CDH4: variants seen among roughly 807,000 people sequenced by gnomAD.
The protein encoded by CDH4 is cadherin 4, also known as cadherin-4.
CDH4 carries 33 observed loss-of-function variants against 86.0 expected under a neutral mutation model. The ratio of observed to expected loss-of-function variants is 0.38; its 90% CI spans 0.29 to 0.51. CDH4 has a LOEUF of 0.51. Ranked by LOEUF, CDH4 falls within the 20% of genes least tolerant of loss-of-function variation. The pLI, the probability that CDH4 is intolerant of heterozygous loss-of-function variation, is 0.86. For missense variants in CDH4, 1,114 were observed against 1,307.4 expected, an observed-to-expected ratio of 0.85 and a Z score of 2.28; for synonymous variants, 555 against 549.4, an observed-to-expected ratio of 1.01 and a Z score of -0.14.
At position 61,693,477 on chromosome 20, in the gene CDH4, C is replaced by T. The variant is rs368566705; in HGVS notation, c.170-50086C>T. ...CAGCGAGCAGATGACCACGTGTGGG[C>T]TTGAGTCCCCAAGGCCGAAGGCACT... is the stretch of plus-strand genomic sequence containing the variant. On this transcript the variant is annotated intron_variant, in intron 2 of 15. Coordinates refer to ENST00000614565, the MANE Select transcript of CDH4 (RefSeq NM_001794.5). 7.2e-5 allele frequency among the ~76,000 whole-genome samples: 11 copies of T among 152,348 alleles called. No homozygotes were observed. In the South Asian group the frequency reaches 2.3e-3, roughly 32 times the overall value.
intron 7 of CDH4, among the ~76,000 whole-genome samples, chr20:61,878,717 C>A (rs1278922546): frequency 6.6e-6 from 1 of 152,232 alleles, no homozygotes; most frequent in Non-Finnish European, 1.5e-5. Context: ...GACCCCTTGG[C>A]CGGAGGAGAC....
chr20:61,795,105 A>G (rs77570868), intron 4 of CDH4, among the ~76,000 whole-genome samples: 50 of 420 alleles, frequency 0.12, no homozygotes, highest in African/African-American at 0.22. Context: ...AATGATGGTG[A>G]TGATGGTGGT....
intron 2 of CDH4, among the ~76,000 whole-genome samples, chr20:61,592,850 C>G (rs545460217): frequency 2.0e-5 from 3 of 152,222 alleles, no homozygotes; most frequent in South Asian, 4.2e-4. Flanking sequence ...AAAATAATGA[C>G]CCCCCAGATG....
At chr20:61,672,077 G>T (rs2087396411) in intron 2 of CDH4, among the ~76,000 whole-genome samples, 1 of 143,308 alleles carries the variant, frequency 7.0e-6, no homozygotes, top group South Asian at 2.2e-4. Flanking sequence ...GAGTGGATTG[G>T]TGGGTGGGTG....
In CDH4 at chr20:61,829,972, G is replaced by C. The variant is rs1981516964; in HGVS notation, c.577-14696G>C. On this transcript the variant is annotated intron_variant, in intron 4 of 15. Coordinates refer to ENST00000614565, the MANE Select transcript of CDH4 (RefSeq NM_001794.5). This position sits in a 1 kb window ranked among gnomAD's most constrained non-coding sequence, Gnocchi z 4.2. The stretch of plus-strand genomic sequence containing the variant: ...GCAGGTGGGTGGTTTGGTGTGTTTG[G>C]CAAGCCGACCCAAACTCCCATTACA... 6.6e-6 allele frequency among the ~76,000 whole-genome samples: 1 copy of C among 152,022 alleles called. No homozygotes were observed. The highest frequency in any genetic ancestry group is 6.5e-5 in the Admixed American group (1 of 15,280).
chr20:61,542,398 A>G (rs1427958345), intron 2 of CDH4, among the ~76,000 whole-genome samples: 1 of 152,112 alleles, frequency 6.6e-6, no homozygotes, highest in African/African-American at 2.4e-5. Context: ...AGGGTTTCTC[A>G]CATTATCTCT....
intron 2 of CDH4, among the ~76,000 whole-genome samples, chr20:61,314,577 A>G (rs930128727): frequency 6.6e-6 from 1 of 152,278 alleles, no homozygotes; most frequent in South Asian, 2.1e-4. Context: ...TGCTGCAATG[A>G]ACTTGGGACT....
At chr20:61,404,027 A>G (rs1351968905) in intron 2 of CDH4, among the ~76,000 whole-genome samples, 1 of 152,220 alleles carries the variant, frequency 6.6e-6, no homozygotes, top group African/African-American at 2.4e-5. Flanking sequence ...AGTCCTAATG[A>G]AAGGACCATG....
At chr20:61,505,467 T>TA (rs1015579025) in intron 2 of CDH4, among the ~76,000 whole-genome samples, 2 of 152,172 alleles carry the variant, frequency 1.3e-5, no homozygotes, top group Non-Finnish European at 2.9e-5. Flanking sequence ...CCTGTGATCT[T>TA]AAGGAGACAA....
At chr20:61,931,553 G>C (rs2055110267) in intron 13 of CDH4, among the ~76,000 whole-genome samples, 1 of 152,248 alleles carries the variant, frequency 6.6e-6, no homozygotes, top group African/African-American at 2.4e-5. Flanking sequence ...CGGTACATAA[G>C]AGTGCACCTG....
rs375242471 is a variant in CDH4 at position 61,810,768 on chromosome 20, G to A, written c.577-33900G>A. On this transcript the variant is annotated intron_variant, in intron 4 of 15. Coordinates refer to ENST00000614565, the MANE Select transcript of CDH4 (RefSeq NM_001794.5). The surrounding 1 kb of genome is among the most constrained non-coding windows in gnomAD (Gnocchi z 4.3). ...GCCAGGGCAGAACCAAGCAGGGCCCGCAGTCTGCAAGAACTCCTGGGACCC... is the reference window on the plus strand; with the variant it reads ...GCCAGGGCAGAACCAAGCAGGGCCCACAGTCTGCAAGAACTCCTGGGACCC... Among the ~76,000 whole-genome samples, 21 of 152,260 alleles carry A rather than the reference G, an allele frequency of 1.4e-4. No individual in the cohort carries two copies. Among genetic ancestry groups the A allele is most frequent in the Middle Eastern group, 3.4e-3 (1 of 294 alleles).
At chr20:61,803,134 C>T (rs1328819828) in intron 4 of CDH4, among the ~76,000 whole-genome samples, 1 of 152,182 alleles carries the variant, frequency 6.6e-6, no homozygotes. Context: ...GTCGCAGCTC[C>T]GTCGTTGACG....
At chr20:61,903,540 T>TTAA (rs386394189) in intron 8 of CDH4, among the ~76,000 whole-genome samples, 6 of 90,886 alleles carry the variant, frequency 6.6e-5, no homozygotes, top group African/African-American at 2.8e-4. Context: ...AGAGACTCCA[T>TTAA]AAAAAAAAAA....
intron 3 of CDH4, chr20:61,755,086 T>C (rs1568797123): frequency 2.0e-5 from 3 of 152,068 alleles, no homozygotes; most frequent in Admixed American, 2.0e-4. Context: ...AGAAGCAAAA[T>C]GAAAACCCCT....
chr20:61,441,665 A>G (rs1201044754), intron 2 of CDH4, among the ~76,000 whole-genome samples: 1 of 152,212 alleles, frequency 6.6e-6, no homozygotes, highest in Non-Finnish European at 1.5e-5. Flanking sequence ...CCCGTCTTCC[A>G]TGTGAGCACA....
intron 6 of CDH4, among the ~76,000 whole-genome samples, chr20:61,864,699 C>G (rs977514295): frequency 2.6e-5 from 4 of 152,204 alleles, no homozygotes; most frequent in African/African-American, 9.6e-5. Context: ...CATGAGAGGA[C>G]CGAGGGGGAG....
intron 2 of CDH4, among the ~76,000 whole-genome samples, chr20:61,476,801 G>C (rs1238635916): frequency 6.6e-6 from 1 of 152,230 alleles, no homozygotes; most frequent in African/African-American, 2.4e-5. Flanking sequence ...CAGGATGTCT[G>C]TGCATGGATC....
intron 2 of CDH4, among the ~76,000 whole-genome samples, chr20:61,488,832 G>T (rs888725192): frequency 1.6e-4 from 24 of 152,158 alleles, no homozygotes; most frequent in African/African-American, 5.6e-4. Flanking sequence ...AGTCACCATG[G>T]ACCTTGCCAT....
chr20:61,832,305 G>A (rs1417211855), intron 4 of CDH4, among the ~76,000 whole-genome samples: 1 of 152,202 alleles, frequency 6.6e-6, no homozygotes, highest in African/African-American at 2.4e-5. Flanking sequence ...ACCTCCCTGT[G>A]CTGCAGTTTC....
Sources: allele counts gnomAD v4.1 joint callset (sites outside exome capture counted in the v4.1 genomes callset), GRCh38; gene constraint gnomAD v4.1.1; non-coding constraint Gnocchi (gnomAD v3.1); transcripts MANE v1.5; gene names NCBI Gene and HGNC (gene_info 2026-07-23, HGNC 2026-07-21).